APBA2: variants seen among roughly 807,000 people sequenced by gnomAD.
The protein encoded by APBA2 is amyloid-beta A4 precursor protein-binding family A member 2.
Under a neutral mutation model 75.0 loss-of-function variants are expected in APBA2, and 30 were observed. That is an observed-to-expected ratio of 0.40 (90% confidence interval 0.30 to 0.54). The LOEUF is 0.54. APBA2 is among the 20% of genes least tolerant of loss of function. APBA2 has a pLI of 0.49. For missense variants in APBA2, 801 were observed against 1,016.1 expected (o/e 0.79, Z 2.88); for synonymous variants, 444 against 409.6 (o/e 1.08, Z -1.01).
At chr15:29,039,907 G>C (rs1414526228) in intron 3 of APBA2, among the ~76,000 whole-genome samples, 2 of 152,150 alleles carry the variant, frequency 1.3e-5, no homozygotes, top group Non-Finnish European at 2.9e-5. Flanking sequence ...TCGGGAAGGG[G>C]GTTGGAGCTT....
intron 3 of APBA2, among the ~76,000 whole-genome samples, chr15:29,030,419 C>CCG (rs2040431153): frequency 6.6e-6 from 1 of 151,698 alleles, no homozygotes; most frequent in Non-Finnish European, 1.5e-5. Flanking sequence ...CCGAGATGGC[C>CCG]CCACTGCACT....
chr15:28,971,197 A>G (rs1264133972), intron 2 of APBA2, among the ~76,000 whole-genome samples: 1 of 151,684 alleles, frequency 6.6e-6, no homozygotes. Flanking sequence ...TTTTTATTCT[A>G]TTTCTTTTCT....
chr15:29,029,771 G>A (rs959067503), intron 3 of APBA2, among the ~76,000 whole-genome samples: 1 of 152,158 alleles, frequency 6.6e-6, no homozygotes, highest in African/African-American at 2.4e-5. Context: ...GACAGCCGCT[G>A]GTTCAGGCAG....
At chr15:28,972,718 G>A (rs184658800) in intron 2 of APBA2, among the ~76,000 whole-genome samples, 29 of 152,308 alleles carry the variant, frequency 1.9e-4, no homozygotes, top group African/African-American at 6.7e-4. Context: ...TCAGAGGCTG[G>A]ACGGCAGAAA....
intron 9 of APBA2, 110 bp from the exon 10 acceptor site, chr15:29,101,489 C>T: frequency 1.6e-6 from 2 of 1,274,284 alleles, no homozygotes; most frequent in Non-Finnish European, 1.1e-6. Flanking sequence ...GCCTCGGCCT[C>T]CCAAAGTGCT....
intron 2 of APBA2, among the ~76,000 whole-genome samples, chr15:28,969,888 G>A (rs2152750336): frequency 6.6e-6 from 1 of 152,382 alleles, no homozygotes; most frequent in African/African-American, 2.4e-5. Flanking sequence ...CATGGAGCCT[G>A]CCAAGGCACT....
rs774265949 is a variant in APBA2, at chr15:29,098,519, G to A, written c.1281G>A (p.Thr427=). The A allele has an allele frequency of 1.9e-5, 30 of 1,613,970 alleles. No individual in the cohort carries two copies. The highest frequency in any genetic ancestry group is 1.0e-4 in the Admixed American group (6 of 59,994). The change falls in exon 9 of 15, where the codon ACG becomes ACA. Residue 427 remains threonine, a synonymous_variant. Transcript: ENST00000683413. The stretch of plus-strand genomic sequence containing the variant: ...CTGAGGGGGATGCCCAGACGCTGAC[G>A]GAAGTGGACCTCTTCATTTCCACCC... The part of the protein sequence containing the change: ...ANSEGDAQTL[T]EVDLFISTQR...
At chr15:29,113,423 C>G (rs571466494) in intron 13 of APBA2, among the ~76,000 whole-genome samples, 1 of 152,176 alleles carries the variant, frequency 6.6e-6, no homozygotes, top group East Asian at 1.9e-4. Context: ...GCAAACAGAG[C>G]CTTCCCTTGA....
intron 2 of APBA2, among the ~76,000 whole-genome samples, chr15:28,949,083 G>T (rs977350402): frequency 6.6e-6 from 1 of 152,008 alleles, no homozygotes; most frequent in Non-Finnish European, 1.5e-5. Flanking sequence ...ACACCGAGAA[G>T]GGAGGAGAGC....
chr15:28,930,854 G>T (rs1263950819), intron 2 of APBA2, among the ~76,000 whole-genome samples: 1 of 152,212 alleles, frequency 6.6e-6, no homozygotes, highest in Non-Finnish European at 1.5e-5. Flanking sequence ...TGCCCCTCGG[G>T]AGTGCTCCTG....
At chr15:29,034,783 GC>G (rs986895349) in intron 3 of APBA2, among the ~76,000 whole-genome samples, 1 of 152,142 alleles carries the variant, frequency 6.6e-6, no homozygotes, top group African/African-American at 2.4e-5. Context: ...TCAGGGTCCT[GC>G]CCCTGAGTTT....
At chr15:29,099,740 G>C (rs1050036226) in intron 9 of APBA2, among the ~76,000 whole-genome samples, 36 of 152,226 alleles carry the variant, frequency 2.4e-4, no homozygotes, top group African/African-American at 8.7e-4. Flanking sequence ...TCTTGCCAGT[G>C]TACATGGAGG....
intron 2 of APBA2, among the ~76,000 whole-genome samples, chr15:28,974,247 G>C (rs1423926669): frequency 1.3e-5 from 2 of 152,188 alleles, no homozygotes. Flanking sequence ...AAAGAGGGCC[G>C]CTGTCAATGC....
intron 4 of APBA2, among the ~76,000 whole-genome samples, chr15:29,061,360 C>T (rs1310196657): frequency 1.3e-5 from 2 of 152,186 alleles, no homozygotes; most frequent in African/African-American, 4.8e-5. Context: ...TCCAGGACCT[C>T]CATGGCTACC....
chr15:29,038,709 T>C (rs2040870425), intron 3 of APBA2, among the ~76,000 whole-genome samples: 1 of 144,528 alleles, frequency 6.9e-6, no homozygotes, highest in South Asian at 2.4e-4. Flanking sequence ...AGTCTCACTC[T>C]GTTGCCCAAG....
chr15:28,935,996 GT>G (rs2034844664), intron 2 of APBA2, among the ~76,000 whole-genome samples: 3 of 152,190 alleles, frequency 2.0e-5, no homozygotes, highest in African/African-American at 7.2e-5. Context: ...TCTTGATTTT[GT>G]TTTGTTACAT....
chr15:29,014,979 C>G (rs1380008578), intron 3 of APBA2, among the ~76,000 whole-genome samples: 1 of 152,080 alleles, frequency 6.6e-6, no homozygotes, highest in Non-Finnish European at 1.5e-5. Flanking sequence ...CTGTATTGCC[C>G]AAATCAGTCT....
intron 6 of APBA2, among the ~76,000 whole-genome samples, chr15:29,091,017 A>T (rs1291113951): frequency 1.3e-5 from 2 of 152,032 alleles, no homozygotes; most frequent in Non-Finnish European, 2.9e-5. Flanking sequence ...ATTGGGATAG[A>T]TGGGTCCTGT....
intron 1 of APBA2, among the ~76,000 whole-genome samples, chr15:28,914,265 G>A (rs987774127): frequency 2.5e-4 from 38 of 151,766 alleles, no homozygotes; most frequent in Non-Finnish European, 4.1e-4. Context: ...TAGACCTTGG[G>A]GAAGCAGCTC....
Sources: gnomAD v4.1 joint callset for allele counts (sites outside exome capture counted in the v4.1 genomes callset) on GRCh38, gnomAD v4.1.1 for gene constraint, MANE v1.5 for transcripts, NCBI Gene and HGNC (gene_info 2026-07-23, HGNC 2026-07-21) for gene names.